Variants in HEPN1 observed in about 807,000 individuals in gnomAD.
HEPN1 encodes protein HEPN1.
For missense variants in HEPN1, 97 were observed against 103.3 expected (o/e 0.94, Z 0.26); for synonymous variants, 46 against 41.2 (o/e 1.12, Z -0.45).
exon 1 of HEPN1, chr11:124,919,987 G>T: frequency 1.9e-6 from 3 of 1,613,348 alleles, no homozygotes; most frequent in Non-Finnish European, 2.5e-6. Flanking sequence ...CTACACAGCG[G>T]CCCAGCCTCT....
chr11:124,920,294 T>C, exon 1 of HEPN1: 1 of 1,148,212 alleles, frequency 8.7e-7, no homozygotes, highest in Admixed American at 2.5e-5. Context: ...AGTTCCTCAT[T>C]TGGTCTAGTT....
At chr11:124,920,432 G>A in exon 1 of HEPN1, 1 of 1,547,498 alleles carries the variant, frequency 6.5e-7, no homozygotes, top group Non-Finnish European at 8.7e-7. Flanking sequence ...GTGGGAGGAG[G>A]CCAAGCTGGC....
At chr11:124,919,383 G>A in exon 1 of HEPN1, 1 of 242,654 alleles carries the variant, frequency 4.1e-6, no homozygotes, top group Non-Finnish European at 7.9e-6. Flanking sequence ...CCCAATTTAA[G>A]GCAGATTTGG....
chr11:124,920,498 T>A lies in HEPN1; in HGVS notation c.*481T>A, dbSNP rs1310172013. 2.7e-6 allele frequency: 4 copies of A among 1,499,042 alleles called. No homozygotes were observed. In the South Asian group the frequency reaches 5.0e-5, roughly 19 times the overall value. The allele number at this position is 1,499,042 out of a possible 1,614,324, so 92.9% of individuals were successfully genotyped here. ...CAGGTCAGAGGGAAAAGGAATGTAC[T>A]CGTACCCTTCCCTCACCACCTTGTA... On this transcript the variant is annotated 3_prime_UTR_variant, in exon 1 of 1. Transcript: ENST00000408930.
chr11:124,920,608 G>A (rs1050320112), exon 1 of HEPN1: 3 of 1,084,376 alleles, frequency 2.8e-6, no homozygotes, highest in Non-Finnish European at 3.4e-6. Context: ...CCCAGTAACC[G>A]GCATCTGGCT....
At chr11:124,920,570 C>A in exon 1 of HEPN1, 2 of 1,305,050 alleles carry the variant, frequency 1.5e-6, no homozygotes, top group South Asian at 1.6e-5. Context: ...TCACAATGAT[C>A]CCCCCAGCTC....
At chr11:124,920,060 G>A in exon 1 of HEPN1, 2 of 1,592,024 alleles carry the variant, frequency 1.3e-6, no homozygotes, top group South Asian at 2.3e-5. Flanking sequence ...ACCTGAGCAT[G>A]TGGGAGCAGG....
exon 1 of HEPN1, chr11:124,920,325 G>A: frequency 2.8e-6 from 4 of 1,435,474 alleles, no homozygotes; most frequent in Non-Finnish European, 3.8e-6. Context: ...GGGAGTAAGT[G>A]AAATTCACTT....
At chr11:124,920,354 A>T (rs1159774992) in exon 1 of HEPN1, 2 of 1,517,052 alleles carry the variant, frequency 1.3e-6, no homozygotes, top group East Asian at 4.9e-5. Context: ...GAATAAGCCC[A>T]TCCATCTCTT....
At chr11:124,920,014 G>A in exon 1 of HEPN1, 2 of 1,611,996 alleles carry the variant, frequency 1.2e-6, no homozygotes, top group Non-Finnish European at 1.7e-6. Flanking sequence ...TGATGTTAGT[G>A]TGATTAGGGA....
chr11:124,919,534 T>C, exon 1 of HEPN1: 1 of 588,000 alleles, frequency 1.7e-6, no homozygotes, highest in South Asian at 2.2e-5. Flanking sequence ...TTCCACCTTC[T>C]TGAGAAACTT....
chr11:124,919,965 G>C, exon 1 of HEPN1: 1 of 1,613,726 alleles, frequency 6.2e-7, no homozygotes, highest in Non-Finnish European at 8.5e-7. Context: ...CGGTGGCATG[G>C]GCATGTCCTG....
rs1425716829 is a variant in HEPN1, at chr11:124,920,341, T to C, written c.*324T>C. On this transcript the variant is annotated 3_prime_UTR_variant, in exon 1 of 1. Coordinates refer to ENST00000408930, the Ensembl canonical transcript of HEPN1. Reference sequence around the variant, plus strand: ...GGAGTAAGTGAAATTCACTTCTCTATAAGAATAAGCCCATCCATCTCTTTT... The same window carrying C: ...GGAGTAAGTGAAATTCACTTCTCTACAAGAATAAGCCCATCCATCTCTTTT... 2.7e-6 allele frequency: 4 copies of C among 1,487,442 alleles called. No homozygotes were observed. The South Asian group carries it at 3.8e-5, about 14-fold the overall frequency. 92.1% of individuals were successfully genotyped at this position (1,487,442 alleles called of 1,614,324 possible).
At chr11:124,919,643 G>C (rs1331564991) in exon 1 of HEPN1, 2 of 1,303,832 alleles carry the variant, frequency 1.5e-6, no homozygotes, top group Non-Finnish European at 2.1e-6. Flanking sequence ...GAAGTGCCGA[G>C]GGACAGGGAG....
exon 1 of HEPN1, chr11:124,920,501 TA>T (rs1947113468): frequency 6.7e-7 from 1 of 1,489,646 alleles, no homozygotes. Flanking sequence ...AATGTACTCG[TA>T]CCCTTCCCTC....
exon 1 of HEPN1, chr11:124,920,237 T>C: frequency 1.1e-6 from 1 of 900,936 alleles, no homozygotes; most frequent in Non-Finnish European, 1.7e-6. Context: ...GAAAGGCTTG[T>C]TTTGTAAGGA....
At chr11:124,920,365 T>C (rs1947110805) in exon 1 of HEPN1, 1 of 1,539,980 alleles carries the variant, frequency 6.5e-7, no homozygotes, top group Non-Finnish European at 8.8e-7. Flanking sequence ...TCCATCTCTT[T>C]TATTCATGAA....
At chr11:124,919,945 G>T in exon 1 of HEPN1, 2 of 1,613,912 alleles carry the variant, frequency 1.2e-6, no homozygotes, top group Non-Finnish European at 1.7e-6. Flanking sequence ...CCTATGAACT[G>T]TTCAATAGGC....
At chr11:124,919,872 G>A (rs775766828) in exon 1 of HEPN1, 6 of 1,614,096 alleles carry the variant, frequency 3.7e-6, no homozygotes, top group South Asian at 2.2e-5. Context: ...AATACACAGA[G>A]GGCCTCCTTC....
Sources: allele counts gnomAD v4.1 joint callset, GRCh38; gene constraint gnomAD v4.1.1; transcripts MANE v1.5; gene names NCBI Gene and HGNC (gene_info 2026-07-23, HGNC 2026-07-21).